Variants in SAMD4A observed in about 807,000 individuals in gnomAD.
SAMD4A encodes the protein protein Smaug homolog 1.
A neutral mutation model predicts 81.3 loss-of-function variants in SAMD4A; 33 were observed. The ratio of observed to expected loss-of-function variants is 0.41; its 90% CI spans 0.31 to 0.54. The LOEUF is 0.54. Ranked by LOEUF, SAMD4A falls within the 20% of genes least tolerant of loss-of-function variation. The probability of loss-of-function intolerance (pLI) is 0.37; values close to 1 mark genes in which losing one functional copy is unlikely to be tolerated. For synonymous variants in SAMD4A, 389 were observed against 382.1 expected, an observed-to-expected ratio of 1.02 and a Z score of -0.21; for missense variants, 854 against 951.1, an observed-to-expected ratio of 0.90 and a Z score of 1.34.
intron 2 of SAMD4A, among the ~76,000 whole-genome samples, chr14:54,659,679 G>T (rs1275492963): frequency 2.0e-5 from 3 of 152,200 alleles, no homozygotes; most frequent in Non-Finnish European, 2.9e-5. Flanking sequence ...TGATAGTCAT[G>T]AGGTATAATG....
intron 3 of SAMD4A, among the ~76,000 whole-genome samples, chr14:54,733,976 T>G (rs375726489): frequency 6.6e-6 from 1 of 152,212 alleles, no homozygotes; most frequent in African/African-American, 2.4e-5. Context: ...ATTCCACAAC[T>G]GCATGGCCTA....
chr14:54,682,724 G>A (rs1047350966), intron 2 of SAMD4A, among the ~76,000 whole-genome samples: 9 of 152,208 alleles, frequency 5.9e-5, no homozygotes, highest in African/African-American at 1.9e-4. Context: ...AGATAATGCA[G>A]TGGAAGATGA....
chr14:54,605,647 TG>T (rs1394780357), intron 2 of SAMD4A, among the ~76,000 whole-genome samples: 4 of 152,166 alleles, frequency 2.6e-5, no homozygotes, highest in Non-Finnish European at 4.4e-5. Flanking sequence ...CCAAAGGCAT[TG>T]TTTTTTTATA....
At chr14:54,719,438 A>G (rs906126810) in intron 3 of SAMD4A, among the ~76,000 whole-genome samples, 1 of 152,162 alleles carries the variant, frequency 6.6e-6, no homozygotes, top group Non-Finnish European at 1.5e-5. Context: ...GCTCTGATCC[A>G]CAACTCCCAA....
intron 2 of SAMD4A, among the ~76,000 whole-genome samples, chr14:54,653,526 G>T (rs913006510): frequency 6.6e-6 from 1 of 151,694 alleles, no homozygotes; most frequent in Non-Finnish European, 1.5e-5. Context: ...TTTTAGTAGA[G>T]ACAGGATTTC....
In SAMD4A at chr14:54,789,278, A is replaced by G. The variant is rs1311990278; in HGVS notation, c.*334A>G. 6 of 398,156 alleles carry G rather than the reference A, an allele frequency of 1.5e-5. No homozygotes were observed. Among genetic ancestry groups the G allele is most frequent in the South Asian group, 3.2e-5 (1 of 31,692 alleles). 24.7% of individuals were successfully genotyped at this position (398,156 alleles called of 1,614,324 possible). A position where few individuals can be genotyped will look rare whatever the true frequency, so the allele number is the denominator to read the frequency against. On this transcript the variant is annotated 3_prime_UTR_variant, in exon 13 of 13. Transcript: ENST00000554335. ...CGGGGACAGGGGAAAGAGTACTGCC[A>G]TGAAAGAGATAGGAGACACATAAGA... is the stretch of plus-strand genomic sequence containing the variant.
At chr14:54,749,057 G>C in intron 5 of SAMD4A, 133 bp downstream of exon 5, 1 of 619,988 alleles carries the variant, frequency 1.6e-6, no homozygotes, top group Non-Finnish European at 2.9e-6. Flanking sequence ...ACTGTGGGGT[G>C]CTGGCCAGCA....
At chr14:54,735,924 A>G (rs191223654) in intron 3 of SAMD4A, among the ~76,000 whole-genome samples, 62 of 152,340 alleles carry the variant, frequency 4.1e-4, no homozygotes, top group Middle Eastern at 3.4e-3. Flanking sequence ...ATACAGCCTG[A>G]GATGGAATTT....
In SAMD4A at chr14:54,568,060, G is replaced by T; in HGVS notation, c.144G>T (p.Ser48=). The T allele has an allele frequency of 1.3e-6, 2 of 1,592,576 alleles. No homozygotes were observed. Among genetic ancestry groups the T allele is most frequent in the Non-Finnish European group, 1.7e-6 (2 of 1,175,998 alleles). The change falls in exon 2 of 13, where the codon TCG becomes TCT. Residue 48 remains serine, a synonymous_variant. Transcript: ENST00000554335. ...ARFLQLCLEH[S]LADCAELHVL... The stretch of plus-strand genomic sequence containing the variant: ...TCCTCCAGCTCTGCCTGGAGCACTC[G>T]CTGGCCGACTGCGCCGAGCTGCACG...
At chr14:54,690,459 A>T (rs1377417989) in intron 2 of SAMD4A, among the ~76,000 whole-genome samples, 1 of 151,812 alleles carries the variant, frequency 6.6e-6, no homozygotes, top group Admixed American at 6.6e-5. Flanking sequence ...TAATGTGTTG[A>T]GTCCTGGCTG....
rs189526401 is a variant in SAMD4A, at chr14:54,723,784, C to T, written c.716-13240C>T. Among the ~76,000 whole-genome samples, 7 of 152,276 alleles carry T rather than the reference C, an allele frequency of 4.6e-5. No individual in the cohort carries two copies. In the East Asian group the frequency reaches 5.8e-4, roughly 13 times the overall value. On this transcript the variant is annotated intron_variant, in intron 3 of 12. Coordinates refer to ENST00000554335, the MANE Select transcript of SAMD4A (RefSeq NM_015589.6). ...CTCTTTTTGGCATCAGTATCCCTAG[C>T]GACTAATACAGTACCTATGCAGAGA... is the stretch of plus-strand genomic sequence containing the variant.
intron 4 of SAMD4A, among the ~76,000 whole-genome samples, chr14:54,743,723 C>T (rs1185279235): frequency 3.3e-5 from 5 of 152,152 alleles, no homozygotes; most frequent in Admixed American, 3.3e-4. Flanking sequence ...ATGCTTCCTA[C>T]AAGCCTGGAG....
chr14:54,580,498 G>A (rs141392683), intron 2 of SAMD4A, among the ~76,000 whole-genome samples: 21 of 152,298 alleles, frequency 1.4e-4, no homozygotes, highest in Middle Eastern at 3.4e-3. Context: ...ATCTGACTTG[G>A]CTACTCTGGA....
chr14:54,570,374 A>G (rs1179480590), intron 2 of SAMD4A, among the ~76,000 whole-genome samples: 1 of 152,236 alleles, frequency 6.6e-6, no homozygotes, highest in Non-Finnish European at 1.5e-5. Flanking sequence ...AGTAGATAGC[A>G]TGAAAGTCCA....
At chr14:54,625,956 C>T (rs549471363) in intron 2 of SAMD4A, among the ~76,000 whole-genome samples, 208 of 151,662 alleles carry the variant, frequency 1.4e-3, no homozygotes, top group Middle Eastern at 6.8e-3. Flanking sequence ...TGTTTAGCTC[C>T]TGACCGAGGC....
At chr14:54,752,277 G>A (rs185844422) in intron 6 of SAMD4A, among the ~76,000 whole-genome samples, 32 of 152,278 alleles carry the variant, frequency 2.1e-4, no homozygotes, top group Non-Finnish European at 2.5e-4. Flanking sequence ...ACTTAATGAT[G>A]ACATGATTTC....
chr14:54,663,083 A>G (rs1269550463), intron 2 of SAMD4A, among the ~76,000 whole-genome samples: 1 of 152,236 alleles, frequency 6.6e-6, no homozygotes, highest in East Asian at 1.9e-4. Context: ...GAAGTGACTG[A>G]AACTGATTAA....
intron 2 of SAMD4A, among the ~76,000 whole-genome samples, chr14:54,576,001 CTTTTTTTTTTTTTTTTTTTTTTT>C (rs57819180): frequency 5.0e-5 from 4 of 79,998 alleles, no homozygotes; most frequent in East Asian, 5.0e-4. Context: ...TTCTTTCTTT[CTTTTTTTTTTTTTTTTTTTTTTT>C]TTTTTTTTTT....
intron 2 of SAMD4A, among the ~76,000 whole-genome samples, chr14:54,594,771 A>G (rs567135300): frequency 6.6e-6 from 1 of 152,378 alleles, no homozygotes; most frequent in South Asian, 2.1e-4. Flanking sequence ...AGTCTCAGAC[A>G]TACTAACATA....
Sources: allele counts gnomAD v4.1 joint callset (sites outside exome capture counted in the v4.1 genomes callset), GRCh38; gene constraint gnomAD v4.1.1; transcripts MANE v1.5; gene names NCBI Gene and HGNC (gene_info 2026-07-23, HGNC 2026-07-21).